The following CECR2 variants were observed in gnomAD, a reference collection of about 807,000 sequenced individuals.
The protein encoded by CECR2 is CECR2 histone acetyl-lysine reader.
Under a neutral mutation model 154.5 loss-of-function variants are expected in CECR2, and 30 were observed. The observed-to-expected ratio is 0.19, with a 90% CI of 0.15 to 0.26. The LOEUF is 0.26. Ranked by LOEUF, CECR2 falls within the 10% of genes least tolerant of loss-of-function variation. CECR2 has a pLI of 1.00. For synonymous variants in CECR2, 725 were observed against 683.7 expected, an observed-to-expected ratio of 1.06 and a Z score of -0.94; for missense variants, 1,743 against 1,829.3, an observed-to-expected ratio of 0.95 and a Z score of 0.86.
intron 1 of CECR2, among the ~76,000 whole-genome samples, chr22:17,476,411 G>A (rs2055209055): frequency 6.6e-6 from 1 of 151,976 alleles, no homozygotes; most frequent in East Asian, 1.9e-4. Flanking sequence ...ACAGGTGCGT[G>A]CCACCATGCC....
rs764134470 is a variant in CECR2 at position 17,548,959 on chromosome 22, A to T, written c.3672A>T (p.Gly1224=). Residue 1224 remains glycine (G), a synonymous_variant, in exon 17 of 19, where the codon GGA becomes GGT. Coordinates refer to ENST00000262608, the MANE Select transcript of CECR2 (RefSeq NM_001290047.2). ...RPLHPQGSPS[G]PPASQPPPPR... ...TCCATCCCCAGGGAAGCCCAAGCGG[A>T]CCCCCAGCCAGTCAGCCTCCCCCAC... 3.1e-6 allele frequency: 5 copies of T among 1,613,068 alleles called. No homozygotes were observed. In the African/African-American group the frequency reaches 5.3e-5, roughly 17 times the overall value.
chr22:17,535,720 C>A (rs1008658601), intron 9 of CECR2, among the ~76,000 whole-genome samples: 1 of 146,900 alleles, frequency 6.8e-6, no homozygotes, highest in South Asian at 2.1e-4. Context: ...AGAGAACTTT[C>A]TTAGAAGTCG....
At chr22:17,429,576 AAG>A (rs1290172451) in intron 1 of CECR2, among the ~76,000 whole-genome samples, 2 of 151,586 alleles carry the variant, frequency 1.3e-5, no homozygotes, top group African/African-American at 2.4e-5. Flanking sequence ...GAAAAGAAAA[AAG>A]AGATCTCACA....
In CECR2 at chr22:17,553,730, C is replaced by G. The variant is rs1569162889; in HGVS notation, c.*890C>G. The G allele has an allele frequency of 6.6e-6, 1 of 152,142 alleles. No homozygotes were observed. The highest frequency in any genetic ancestry group is 1.9e-4 in the East Asian group (1 of 5,194). 9.4% of individuals were successfully genotyped at this position (152,142 alleles called of 1,614,324 possible). On this transcript the variant is annotated 3_prime_UTR_variant, in exon 19 of 19. Transcript: ENST00000262608. ...TCCCTTCCTGATTTTGCCACCAGCC[C>G]TACCGAATAGTTGTAAACCAGTATC...
At position 17,540,661 on chromosome 22, in the gene CECR2, G is replaced by A. The variant is rs200414904; in HGVS notation, c.1745G>A (p.Arg582Gln). ...GGAAAGTCGTTGCCCCCCACACGCC[G>A]AGCGCCCTCTTCTGGGGACGATCAG... ...NGGKSLPPTR[R>Q]APSSGDDQSS... The change falls in exon 14 of 19, where the codon CGA (arginine) becomes CAA (glutamine). Residue 582 changes from arginine (R) to glutamine (Q), a missense_variant. Physicochemically the swap from Arg to Gln is conservative, Grantham distance 43. Transcript: ENST00000262608. 21 of 1,613,792 alleles carry A rather than the reference G, an allele frequency of 1.3e-5. No homozygotes were observed. The highest frequency in any genetic ancestry group is 6.7e-5 in the Admixed American group (4 of 59,976).
intron 2 of CECR2, among the ~76,000 whole-genome samples, chr22:17,482,756 A>C (rs1601433070): frequency 8.0e-6 from 1 of 125,612 alleles, no homozygotes. Flanking sequence ...GATGGTTTTG[A>C]ACTCCTTTTT....
chr22:17,505,041 C>G (rs921578819), intron 7 of CECR2, 25 bp downstream of exon 7: 1 of 1,608,328 alleles, frequency 6.2e-7, no homozygotes, highest in Non-Finnish European at 8.5e-7. Context: ...CTGCTCTGTC[C>G]TCCTCAGTGT....
At chr22:17,367,127 G>A (rs575117972), upstream of CECR2, among the ~76,000 whole-genome samples, 2 of 152,168 alleles carry the variant, frequency 1.3e-5, no homozygotes, top group East Asian at 1.9e-4. Flanking sequence ...GATTTCCGGG[G>A]CTTGGCAGTA....
chr22:17,426,985 T>C (rs5747128), intron 1 of CECR2, among the ~76,000 whole-genome samples: 10,151 of 152,004 alleles, frequency 0.067, 939 homozygotes, highest in East Asian at 0.36. Context: ...ACATTAGGTA[T>C]TTCTCCTAAT....
intron 7 of CECR2, among the ~76,000 whole-genome samples, chr22:17,510,751 A>G (rs917337729): frequency 5.9e-5 from 9 of 152,146 alleles, no homozygotes; most frequent in Admixed American, 2.0e-4. Flanking sequence ...ACAGGCACGC[A>G]CCACCATGCC....
At chr22:17,418,262 C>A (rs2054184695) in intron 1 of CECR2, among the ~76,000 whole-genome samples, 1 of 152,200 alleles carries the variant, frequency 6.6e-6, no homozygotes, top group South Asian at 2.1e-4. Flanking sequence ...GCAATCATAA[C>A]ATATGCCGTT....
intron 16 of CECR2, among the ~76,000 whole-genome samples, chr22:17,544,976 C>A (rs1185510041): frequency 6.6e-6 from 1 of 151,982 alleles, no homozygotes; most frequent in African/African-American, 2.4e-5. Context: ...TGTCTCAATA[C>A]CATCTTGAAA....
At position 17,524,133 on chromosome 22, in the gene CECR2, A is replaced by G. The variant is rs1426305860; in HGVS notation, c.970A>G (p.Thr324Ala). ...CTCCTCACAGGAGACTCCTGTGCTG[A>G]CCAGAATAGAAAAACAAAAGCGCAA... Reference protein sequence around the residue: ...PVKQEETPVLTRIEKQKRKEE... With the variant: ...PVKQEETPVLARIEKQKRKEE... The change falls in exon 9 of 19, where the codon ACC (threonine) becomes GCC (alanine). Residue 324 changes from threonine (T) to alanine (A), a missense_variant. Transcript: ENST00000262608. 1 of 1,591,316 alleles carries G rather than the reference A, an allele frequency of 6.3e-7. No individual in the cohort carries two copies. Among genetic ancestry groups the G allele is most frequent in the South Asian group, 1.1e-5 (1 of 87,296 alleles).
chr22:17,387,618 T>C (rs2146494099), intron 1 of CECR2, among the ~76,000 whole-genome samples: 1 of 152,332 alleles, frequency 6.6e-6, no homozygotes, highest in South Asian at 2.1e-4. Context: ...CACTTTTGTC[T>C]GTGTGCACAT....
chr22:17,509,240 G>GA (rs202068862), intron 7 of CECR2, among the ~76,000 whole-genome samples: 92 of 150,940 alleles, frequency 6.1e-4, no homozygotes, highest in African/African-American at 2.1e-3. Context: ...GACAGATGGA[G>GA]AAAAAAAAAG....
At chr22:17,466,741 C>T (rs367643422) in intron 1 of CECR2, among the ~76,000 whole-genome samples, 23 of 152,106 alleles carry the variant, frequency 1.5e-4, no homozygotes, top group East Asian at 1.9e-4. Context: ...ATTACAGGCG[C>T]GTGCCACCAT....
At chr22:17,407,490 G>A (rs529680468) in intron 1 of CECR2, among the ~76,000 whole-genome samples, 90 of 152,194 alleles carry the variant, frequency 5.9e-4, no homozygotes, top group Middle Eastern at 3.4e-3. Context: ...AGCTACTGGG[G>A]AGGCTGAGGC....
intron 1 of CECR2, among the ~76,000 whole-genome samples, chr22:17,440,207 C>CGTG (rs1569083677): frequency 6.6e-5 from 10 of 151,040 alleles, no homozygotes; most frequent in Non-Finnish European, 3.0e-5. Context: ...TTATATAAAA[C>CGTG]TGTGTGTGTG....
At chr22:17,482,316 C>T (rs548043280) in intron 2 of CECR2, among the ~76,000 whole-genome samples, 142 of 151,226 alleles carry the variant, frequency 9.4e-4, no homozygotes, top group Admixed American at 2.2e-3. Context: ...CCCAGCTACT[C>T]GGGAGGCTGA....
Sources: gnomAD v4.1 joint callset for allele counts (sites outside exome capture counted in the v4.1 genomes callset) on GRCh38, gnomAD v4.1.1 for gene constraint, MANE v1.5 for transcripts, NCBI Gene and HGNC (gene_info 2026-07-23, HGNC 2026-07-21) for gene names.